PRKAR1A: variants seen among roughly 807,000 people sequenced by gnomAD.
PRKAR1A encodes the protein protein kinase cAMP-dependent type I regulatory subunit alpha.
Under a neutral mutation model 52.0 loss-of-function variants are expected in PRKAR1A, and 3 were observed. The observed-to-expected ratio is 0.06, with a 90% CI of 0.03 to 0.15. The LOEUF (loss-of-function observed/expected upper bound fraction) is 0.15. Among genes scored for constraint, PRKAR1A ranks in the 10% least tolerant of loss-of-function variants. The pLI is 1.00. For synonymous variants in PRKAR1A, 188 were observed against 168.4 expected (o/e 1.12, Z -0.90); for missense variants, 240 against 477.4 (o/e 0.50, Z 4.63).
intron 1 of PRKAR1A, among the ~76,000 whole-genome samples, chr17:68,514,061 C>CGTTTTT (rs753095510): frequency 1.3e-5 from 2 of 152,028 alleles, no homozygotes; most frequent in African/African-American, 2.4e-5. Flanking sequence ...AGTAAATGCG[C>CGTTTTT]GTTTTTGTTT....
the PRKAR1A span, among the ~76,000 whole-genome samples, chr17:68,433,760 GTTTTTTTTTTTTTTTTTTTT>G: frequency 8.2e-5 from 6 of 72,814 alleles, no homozygotes; most frequent in Admixed American, 1.8e-4. Flanking sequence ...AAGGGTCATA[GTTTTTTTTTTTTTTTTTTTT>G]TTTTTTTTTT....
At chr17:68,443,921 A>G in the PRKAR1A span, among the ~76,000 whole-genome samples, 3 of 152,236 alleles carry the variant, frequency 2.0e-5, no homozygotes, top group African/African-American at 4.8e-5. Flanking sequence ...TGCTATTTCA[A>G]TATAACAAAT....
At chr17:68,517,059 G>A (rs2085456305) in intron 2 of PRKAR1A, among the ~76,000 whole-genome samples, 2 of 152,212 alleles carry the variant, frequency 1.3e-5, no homozygotes, top group Non-Finnish European at 1.5e-5. Flanking sequence ...CCACAGTACT[G>A]TTTAAAGACT....
intron 11 of PRKAR1A, among the ~76,000 whole-genome samples, chr17:68,546,039 CAT>C (rs1193060935): frequency 6.6e-6 from 1 of 150,736 alleles, no homozygotes; most frequent in East Asian, 1.9e-4. Flanking sequence ...CATGGTGGCG[CAT>C]GCCTGTAGTC....
chr17:68,495,749 C>T, the PRKAR1A span, among the ~76,000 whole-genome samples: 25 of 151,686 alleles, frequency 1.6e-4, no homozygotes, highest in Non-Finnish European at 3.5e-4. Flanking sequence ...GCCTTAAAAC[C>T]ATACAAATTT....
rs2085984278 is a variant in PRKAR1A, at chr17:68,531,837, T to C, written c.*1388T>C. ...ATTTTTATTATTTTTTTAAACAAAATTTCACAGTTCTGTAATGTAGGCACT... is the reference window on the plus strand; with the variant it reads ...ATTTTTATTATTTTTTTAAACAAAACTTCACAGTTCTGTAATGTAGGCACT... On this transcript the variant is annotated 3_prime_UTR_variant, in exon 11 of 11. Coordinates refer to ENST00000589228, the MANE Select transcript of PRKAR1A (RefSeq NM_002734.5). The C allele has an allele frequency of 9.7e-7, 1 of 1,034,742 alleles. No individual in the cohort carries two copies. The highest frequency in any genetic ancestry group is 5.3e-5 in the Admixed American group (1 of 18,712). The allele number at this position is 1,034,742 out of a possible 1,614,324, so 64.1% of individuals were successfully genotyped here. A position where few individuals can be genotyped will look rare whatever the true frequency, so the allele number is the denominator to read the frequency against.
At chr17:68,497,843 C>T in the PRKAR1A span, among the ~76,000 whole-genome samples, 1 of 152,066 alleles carries the variant, frequency 6.6e-6, no homozygotes, top group Admixed American at 6.6e-5. Flanking sequence ...GACACATAGA[C>T]ATTGAATTGT....
At chr17:68,500,293 C>T in the PRKAR1A span, among the ~76,000 whole-genome samples, 36 of 152,268 alleles carry the variant, frequency 2.4e-4, no homozygotes, top group African/African-American at 7.9e-4. Flanking sequence ...ATCATGGGGG[C>T]GGTTCCCCCA....
the PRKAR1A span, among the ~76,000 whole-genome samples, chr17:68,506,268 C>T: frequency 1.3e-5 from 2 of 151,846 alleles, no homozygotes; most frequent in Non-Finnish European, 2.9e-5. Context: ...CCTTAGAAAT[C>T]CATGCTCTCT....
intron 8 of PRKAR1A, chr17:68,528,571 T>C (rs1326972369): frequency 2.7e-6 from 1 of 365,892 alleles, no homozygotes; most frequent in Non-Finnish European, 5.0e-6. Context: ...TTTGCATTGA[T>C]GGCAATCTTC....
In PRKAR1A at chr17:68,522,853, A is replaced by G; in HGVS notation, c.275A>G (p.Lys92Arg). 1 of 1,614,022 alleles carries G rather than the reference A, an allele frequency of 6.2e-7. No homozygotes were observed. The highest frequency in any genetic ancestry group is 8.5e-7 in the Non-Finnish European group (1 of 1,179,896). Residue 92 changes from lysine to arginine, a missense_variant, in exon 3 of 11, where the codon AAA becomes AGA. Physicochemically the swap from Lys to Arg is conservative, Grantham distance 26. Coordinates refer to ENST00000589228, the MANE Select transcript of PRKAR1A (RefSeq NM_002734.5). ...ISPPPPNPVV[K>R]GRRRRGAISA... ...CCTCCTCCACCCAACCCAGTGGTTAAAGGTAGGAGGCGACGAGGTGCTATC... is the reference window on the plus strand; with the variant it reads ...CCTCCTCCACCCAACCCAGTGGTTAGAGGTAGGAGGCGACGAGGTGCTATC...
the PRKAR1A span, chr17:68,426,259 A>G: frequency 9.7e-7 from 1 of 1,033,424 alleles, no homozygotes; most frequent in African/African-American, 1.6e-5. Context: ...CGGGGGCTCA[A>G]ATAAAGGGCA....
At chr17:68,449,825 C>T in the PRKAR1A span, among the ~76,000 whole-genome samples, 4 of 152,110 alleles carry the variant, frequency 2.6e-5, no homozygotes, top group South Asian at 2.1e-4. Flanking sequence ...TGAGAATAGA[C>T]GAATACACTC....
downstream of PRKAR1A, chr17:68,535,738 C>G (rs1323381317): frequency 3.3e-5 from 15 of 452,200 alleles, no homozygotes; most frequent in Non-Finnish European, 8.8e-6. Context: ...TCTCGAGCTC[C>G]TGAGACCAAG....
At chr17:68,537,864 A>G, downstream of PRKAR1A, 12 of 1,121,752 alleles carry the variant, frequency 1.1e-5, no homozygotes, top group Non-Finnish European at 1.6e-5. This position sits in a 1 kb window ranked among gnomAD's most constrained non-coding sequence, Gnocchi z 4.2. Flanking sequence ...GTGTCTTCTC[A>G]GGCACATTTT....
At chr17:68,543,006 G>A (rs2086379035) in intron 11 of PRKAR1A, among the ~76,000 whole-genome samples, 1 of 152,178 alleles carries the variant, frequency 6.6e-6, no homozygotes. Context: ...AAGGAGTGGA[G>A]ATGGAGTTGA....
the PRKAR1A span, among the ~76,000 whole-genome samples, chr17:68,489,553 A>G: frequency 6.7e-6 from 1 of 149,062 alleles, no homozygotes; most frequent in Non-Finnish European, 1.5e-5. Flanking sequence ...TGGAAAGTAT[A>G]TATATACACA....
intron 11 of PRKAR1A, among the ~76,000 whole-genome samples, chr17:68,549,028 A>G (rs2086709476): frequency 6.6e-6 from 1 of 152,032 alleles, no homozygotes; most frequent in Non-Finnish European, 1.5e-5. Flanking sequence ...CACCGTGCCC[A>G]GCCTGCCTGT....
upstream of PRKAR1A, among the ~76,000 whole-genome samples, chr17:68,510,184 A>AGAGAGAGG (rs1443981135): frequency 2.0e-5 from 3 of 151,532 alleles, no homozygotes; most frequent in Non-Finnish European, 2.9e-5. Context: ...AGAGAGAGAG[A>AGAGAGAGG]GAGAGAGAGA....
Sources: allele counts gnomAD v4.1 joint callset (sites outside exome capture counted in the v4.1 genomes callset), GRCh38; gene constraint gnomAD v4.1.1; non-coding constraint Gnocchi (gnomAD v3.1); transcripts MANE v1.5; gene names NCBI Gene and HGNC (gene_info 2026-07-23, HGNC 2026-07-21).